The following ELFN1 variants were observed in gnomAD, a reference collection of about 807,000 sequenced individuals.
ELFN1 encodes the protein extracellular leucine rich repeat and fibronectin type III domain containing 1.
ELFN1 carries 6 observed loss-of-function variants against 7.6 expected under a neutral mutation model. The observed-to-expected ratio is 0.79, with a 90% CI of 0.43 to 1.56. The LOEUF is 1.56. ELFN1 is among the 40% of genes most tolerant of loss of function. The probability of loss-of-function intolerance (pLI) is 0.01; values close to 1 mark genes in which losing one functional copy is unlikely to be tolerated. For synonymous variants in ELFN1, 657 were observed against 588.1 expected (o/e 1.12, Z -1.70); for missense variants, 1,169 against 1,232.2 (o/e 0.95, Z 0.77).
intron 3 of ELFN1, among the ~76,000 whole-genome samples, chr7:1,716,725 C>A (rs899250925): frequency 1.3e-5 from 2 of 152,230 alleles, no homozygotes; most frequent in African/African-American, 4.8e-5. Context: ...TGCAGCCGCA[C>A]TCCCCCAGCC....
chr7:1,744,579 C>T lies in ELFN1; in HGVS notation c.-18C>T, dbSNP rs943968930. 8.8e-6 allele frequency: 13 copies of T among 1,473,900 alleles called. No homozygotes were observed. The highest frequency in any genetic ancestry group is 1.4e-5 in the South Asian group (1 of 70,838). 91.3% of individuals were successfully genotyped at this position (1,473,900 alleles called of 1,614,324 possible). A position where few individuals can be genotyped will look rare whatever the true frequency, so the allele number is the denominator to read the frequency against. The stretch of plus-strand genomic sequence containing the variant: ...CCCCTGGGCAGGCTGAATTGGGGCT[C>T]CCTGCAGGGCGGTCCCGATGGCCGG... On this transcript the variant is annotated 5_prime_UTR_variant, in exon 4 of 4. Transcript: ENST00000424383.
At chr7:1,722,097 A>T (rs1013445652) in intron 3 of ELFN1, among the ~76,000 whole-genome samples, 1 of 152,190 alleles carries the variant, frequency 6.6e-6, no homozygotes, top group East Asian at 1.9e-4. Context: ...CTAGAGAAAC[A>T]GTGCTTAGAC....
At chr7:1,742,971 A>G (rs1780670598) in intron 3 of ELFN1, among the ~76,000 whole-genome samples, 1 of 152,228 alleles carries the variant, frequency 6.6e-6, no homozygotes, top group South Asian at 2.1e-4. Flanking sequence ...ACAGAGGCCG[A>G]CTGTAAATCC....
intron 1 of ELFN1, among the ~76,000 whole-genome samples, chr7:1,674,764 C>G (rs1432261038): frequency 6.6e-6 from 1 of 152,266 alleles, no homozygotes; most frequent in South Asian, 2.1e-4. Flanking sequence ...CCAGTGCCCC[C>G]ACATGAGGCT....
At chr7:1,709,536 T>C (rs1779606674) in intron 3 of ELFN1, among the ~76,000 whole-genome samples, 1 of 152,248 alleles carries the variant, frequency 6.6e-6, no homozygotes, top group Non-Finnish European at 1.5e-5. Context: ...GTGGCCATAC[T>C]CGGGGTATGC....
upstream of ELFN1, among the ~76,000 whole-genome samples, chr7:1,667,500 C>T (rs578208157): frequency 8.7e-3 from 1,330 of 152,278 alleles, 19 homozygotes; most frequent in African/African-American, 0.03. This position sits in a 1 kb window ranked among gnomAD's most constrained non-coding sequence, Gnocchi z 8.2. Context: ...CCCCCTTCAG[C>T]GTCGCCTTCG....
At chr7:1,733,986 A>C (rs1158988733) in intron 3 of ELFN1, among the ~76,000 whole-genome samples, 1 of 152,162 alleles carries the variant, frequency 6.6e-6, no homozygotes, top group African/African-American at 2.4e-5. Context: ...ATCATCAGAA[A>C]GGCTTTCCCA....
At chr7:1,675,468 C>T (rs937784841) in intron 1 of ELFN1, among the ~76,000 whole-genome samples, 1 of 152,240 alleles carries the variant, frequency 6.6e-6, no homozygotes, top group Non-Finnish European at 1.5e-5. Flanking sequence ...GAGGCTCCCC[C>T]GTGTTTACCG....
chr7:1,691,475 G>A (rs1345085118), intron 2 of ELFN1, among the ~76,000 whole-genome samples: 1 of 152,204 alleles, frequency 6.6e-6, no homozygotes, highest in African/African-American at 2.4e-5. Flanking sequence ...TAAGCGCTGT[G>A]GTCCCTGATG....
chr7:1,713,797 G>A (rs1779739085), intron 3 of ELFN1, among the ~76,000 whole-genome samples: 2 of 152,172 alleles, frequency 1.3e-5, no homozygotes, highest in Admixed American at 6.5e-5. Context: ...TCAAGTGCAG[G>A]GCTGGCATCC....
At chr7:1,729,429 A>G (rs563980951) in intron 3 of ELFN1, among the ~76,000 whole-genome samples, 4 of 152,168 alleles carry the variant, frequency 2.6e-5, no homozygotes, top group African/African-American at 9.6e-5. Flanking sequence ...AGCCAGTGCC[A>G]TGGCCCTAGC....
At chr7:1,685,833 TTA>T (rs945591016) in intron 1 of ELFN1, among the ~76,000 whole-genome samples, 4 of 148,144 alleles carry the variant, frequency 2.7e-5, no homozygotes, top group Non-Finnish European at 6.0e-5. Flanking sequence ...TAAACCATCT[TTA>T]TGTCTTTGAA....
chr7:1,678,305 C>A (rs1459511435), intron 1 of ELFN1, among the ~76,000 whole-genome samples: 1 of 152,188 alleles, frequency 6.6e-6, no homozygotes, highest in Non-Finnish European at 1.5e-5. Context: ...TCCCATCCTG[C>A]CACGACCACC....
chr7:1,718,322 C>T (rs529484249), intron 3 of ELFN1, among the ~76,000 whole-genome samples: 1 of 152,284 alleles, frequency 6.6e-6, no homozygotes, highest in South Asian at 2.1e-4. Flanking sequence ...TAGGGACCAA[C>T]AAAAGGTCTT....
In ELFN1 at chr7:1,745,152, G is replaced by A. The variant is rs1780738770; in HGVS notation, c.556G>A (p.Glu186Lys). ...FAGLAKLSVC[E>K]LYSNPFYCSC... is the part of the protein sequence containing the mutation. ...CGGCCTGGCCAAGCTGTCGGTGTGC[G>A]AGCTCTACAGCAACCCCTTCTACTG... Residue 186 changes from glutamate (E) to lysine (K), a missense_variant, in exon 4 of 4, where the codon GAG becomes AAG. By Grantham distance (56) the Glu-to-Lys change is moderately conservative. Around this residue, in one of 2 missense-constraint regions of ELFN1, gnomAD observed 255 missense variants for 359.6 expected, o/e 0.71. Coordinates refer to ENST00000424383, the MANE Select transcript of ELFN1 (RefSeq NM_001128636.4). The A allele has an allele frequency of 4.5e-6, 7 of 1,549,902 alleles. No individual in the cohort carries two copies. In the East Asian group the frequency reaches 7.3e-5, roughly 16 times the overall value.
intron 1 of ELFN1, among the ~76,000 whole-genome samples, chr7:1,687,608 G>A (rs1374688933): frequency 1.3e-5 from 2 of 152,002 alleles, no homozygotes; most frequent in Non-Finnish European, 2.9e-5. Context: ...GAAAATGGAT[G>A]GTATATTTCA....
intron 2 of ELFN1, among the ~76,000 whole-genome samples, chr7:1,697,033 G>A (rs1779330336): frequency 6.6e-6 from 1 of 152,192 alleles, no homozygotes; most frequent in Admixed American, 6.5e-5. Context: ...CCCAGGCTGG[G>A]GTCCAAGGCC....
At chr7:1,736,591 G>A (rs1023595118) in intron 3 of ELFN1, among the ~76,000 whole-genome samples, 6 of 152,222 alleles carry the variant, frequency 3.9e-5, no homozygotes, top group African/African-American at 1.4e-4. Context: ...TCGTCCCCTG[G>A]GGGACAGCGG....
Position 1,744,833 on chromosome 7 carries a change from G to A in ELFN1, c.237G>A (p.Ser79=), listed in dbSNP as rs1173540143. Reference sequence around the variant, plus strand: ...GTATCCGCAGCGTGCAGTACGCCTCGCTCAGCCGCTTTGGCAACCTCACGT... The same window carrying A: ...GTATCCGCAGCGTGCAGTACGCCTCACTCAGCCGCTTTGGCAACCTCACGT... The part of the protein sequence containing the change: ...ENRIRSVQYA[S]LSRFGNLTYL... Residue 79 remains serine (S), a synonymous_variant, in exon 4 of 4, where the codon TCG becomes TCA. Coordinates refer to ENST00000424383, the MANE Select transcript of ELFN1 (RefSeq NM_001128636.4). 13 of 1,572,096 alleles carry A rather than the reference G, an allele frequency of 8.3e-6. No homozygotes were observed. The highest frequency in any genetic ancestry group is 1.3e-5 in the African/African-American group (1 of 74,186).
Sources: gnomAD v4.1 joint callset for allele counts (sites outside exome capture counted in the v4.1 genomes callset) on GRCh38, gnomAD v4.1.1 for gene constraint, gnomAD v4.1.1 regional missense constraint, Gnocchi (gnomAD v3.1) non-coding constraint, MANE v1.5 for transcripts, NCBI Gene and HGNC (gene_info 2026-07-23, HGNC 2026-07-21) for gene names.